Variants in FGD3 observed in about 807,000 individuals in gnomAD.
FGD3 encodes FYVE, RhoGEF and PH domain containing 3.
Under a neutral mutation model 71.8 loss-of-function variants are expected in FGD3, and 45 were observed. The ratio of observed to expected loss-of-function variants is 0.63; its 90% CI spans 0.49 to 0.80. The LOEUF is 0.80. Among genes scored for constraint, FGD3 ranks in the 30% least tolerant of loss-of-function variants. The probability of loss-of-function intolerance (pLI) is 0.00; values close to 1 mark genes in which losing one functional copy is unlikely to be tolerated. For synonymous variants in FGD3, 378 were observed against 392.8 expected (o/e 0.96, Z 0.44); for missense variants, 844 against 951.5 (o/e 0.89, Z 1.49).
rs1861845658 is a variant in FGD3 at position 93,019,864 on chromosome 9, G to A, written c.1386+3G>A. The A allele has an allele frequency of 1.2e-6, 2 of 1,614,036 alleles. No individual in the cohort carries two copies. Among genetic ancestry groups the A allele is most frequent in the Middle Eastern group, 3.3e-4 (2 of 6,060 alleles). On this transcript the variant is annotated splice_donor_region_variant and intron_variant, in intron 12 of 17. Transcript: ENST00000375482. ...AAGAGAAGAAAGAATGGATTCAGGT[G>A]AAGCTTCTAAAGTTGTAAAGTAACC...
chr9:93,006,227 C>T (rs376891339), intron 6 of FGD3, 47 bp downstream of exon 6: 1 of 1,469,670 alleles, frequency 6.8e-7, no homozygotes, highest in Non-Finnish European at 9.1e-7. Flanking sequence ...TCAAGATGCA[C>T]AGAGCCTGGT....
chr9:92,981,393 A>G (rs1419144066), intron 3 of FGD3, among the ~76,000 whole-genome samples: 1 of 151,880 alleles, frequency 6.6e-6, no homozygotes, highest in South Asian at 2.1e-4. Flanking sequence ...AAGAAAAAAA[A>G]GAAAGAAAAA....
Position 93,025,350 on chromosome 9 carries a change from G to A in FGD3, c.1557+2961G>A, listed in dbSNP as rs576789151. 3.9e-4 allele frequency among the ~76,000 whole-genome samples: 60 copies of A among 152,242 alleles called. 1 individual carries two copies. In the South Asian group the frequency reaches 0.012, roughly 31 times the overall value. On this transcript the variant is annotated intron_variant, in intron 14 of 17. Coordinates refer to ENST00000375482, the MANE Select transcript of FGD3 (RefSeq NM_001083536.2). The stretch of plus-strand genomic sequence containing the variant: ...CAGCTCCAGCCCAGGGCCTCCCTAC[G>A]AACAGTGGATGTGGCCTGGCCTGGC...
intron 8 of FGD3, among the ~76,000 whole-genome samples, chr9:93,011,887 G>A (rs901309624): frequency 2.7e-5 from 4 of 146,932 alleles, no homozygotes; most frequent in South Asian, 2.2e-4. Context: ...GGCCAGGCGC[G>A]GTGGCTCACG....
intron 6 of FGD3, among the ~76,000 whole-genome samples, chr9:93,009,812 C>T (rs1217327415): frequency 6.6e-6 from 1 of 152,204 alleles, no homozygotes; most frequent in African/African-American, 2.4e-5. Flanking sequence ...TGCTTCTAGG[C>T]ATAAGGACAA....
intron 13 of FGD3, among the ~76,000 whole-genome samples, chr9:93,021,617 T>C (rs1861923230): frequency 6.6e-6 from 1 of 152,082 alleles, no homozygotes; most frequent in African/African-American, 2.4e-5. Flanking sequence ...CAGGCATGAC[T>C]CAGAGTGAGG....
At chr9:92,989,660 GT>G (rs1391097718) in intron 3 of FGD3, among the ~76,000 whole-genome samples, 2 of 152,266 alleles carry the variant, frequency 1.3e-5, no homozygotes, top group East Asian at 3.9e-4. Flanking sequence ...TAATCCACAT[GT>G]TGCAAGAGAA....
intron 14 of FGD3, among the ~76,000 whole-genome samples, chr9:93,026,470 C>A (rs960184811): frequency 6.6e-6 from 1 of 152,226 alleles, no homozygotes; most frequent in Non-Finnish European, 1.5e-5. Context: ...TCAGCCACAC[C>A]TTGATGATGG....
intron 3 of FGD3, among the ~76,000 whole-genome samples, chr9:92,998,519 A>C (rs1860735908): frequency 6.6e-6 from 1 of 152,152 alleles, no homozygotes; most frequent in Non-Finnish European, 1.5e-5. Context: ...CGTTGCTGGC[A>C]AGGAGCTGTG....
At chr9:93,000,981 T>A (rs1209069390) in intron 3 of FGD3, among the ~76,000 whole-genome samples, 10 of 152,134 alleles carry the variant, frequency 6.6e-5, no homozygotes, top group Non-Finnish European at 1.0e-4. Flanking sequence ...CTTCTTTCTT[T>A]TTTTTTTCTT....
chr9:92,970,371 A>T (rs775396107), intron 1 of FGD3, among the ~76,000 whole-genome samples: 3 of 152,238 alleles, frequency 2.0e-5, no homozygotes, highest in Non-Finnish European at 4.4e-5. Context: ...TTCAAGCACA[A>T]GGTTGAGGAC....
intron 11 of FGD3, 129 bp from the exon 12 acceptor site, chr9:93,019,702 T>C (rs1364267926): frequency 2.2e-6 from 2 of 907,174 alleles, no homozygotes; most frequent in Non-Finnish European, 3.6e-6. Context: ...TTGGGGCCAA[T>C]CTTCCAATCC....
intron 5 of FGD3, 136 bp downstream of exon 5, chr9:93,004,273 G>GT (rs1347919860): frequency 8.8e-7 from 1 of 1,135,596 alleles, no homozygotes; most frequent in African/African-American, 1.5e-5. Context: ...ACGGTCCTGG[G>GT]TCCGATCCAG....
chr9:92,990,349 A>G (rs959452257), intron 3 of FGD3, among the ~76,000 whole-genome samples: 1 of 152,204 alleles, frequency 6.6e-6, no homozygotes, highest in Non-Finnish European at 1.5e-5. Context: ...AACAAAAAAG[A>G]TTATATAATC....
chr9:92,997,124 G>C (rs1357345725), intron 3 of FGD3, among the ~76,000 whole-genome samples: 1 of 152,128 alleles, frequency 6.6e-6, no homozygotes, highest in Admixed American at 6.5e-5. Context: ...CTCTTTGTAG[G>C]TCTCTAAGGA....
intron 1 of FGD3, among the ~76,000 whole-genome samples, chr9:92,963,321 A>G (rs1005125057): frequency 6.6e-6 from 1 of 152,204 alleles, no homozygotes; most frequent in Non-Finnish European, 1.5e-5. Context: ...ATTTTTATTG[A>G]GACAGTCTCT....
At chr9:92,986,074 TG>T (rs1860176510) in intron 3 of FGD3, among the ~76,000 whole-genome samples, 1 of 152,116 alleles carries the variant, frequency 6.6e-6, no homozygotes, top group African/African-American at 2.4e-5. Context: ...GAGTGAACAG[TG>T]GGCCCCCTGC....
At chr9:92,983,526 A>AAAACC (rs1860075849) in intron 3 of FGD3, among the ~76,000 whole-genome samples, 2 of 152,332 alleles carry the variant, frequency 1.3e-5, no homozygotes, top group African/African-American at 4.8e-5. Context: ...CTCCATCTCA[A>AAAACC]AAAAACCAAA....
chr9:93,007,800 C>T (rs80311283), intron 6 of FGD3, among the ~76,000 whole-genome samples: 6,460 of 152,278 alleles, frequency 0.042, 184 homozygotes, highest in East Asian at 0.14. Flanking sequence ...CTTTGCCCCC[C>T]GGGGATCCCA....
Sources: gnomAD v4.1 joint callset for allele counts (sites outside exome capture counted in the v4.1 genomes callset) on GRCh38, gnomAD v4.1.1 for gene constraint, MANE v1.5 for transcripts, NCBI Gene and HGNC (gene_info 2026-07-23, HGNC 2026-07-21) for gene names.